The following CRYZ variants were observed in gnomAD, a reference collection of about 807,000 sequenced individuals.
CRYZ encodes the protein zeta-crystallin.
CRYZ carries 35 observed loss-of-function variants against 34.1 expected under a neutral mutation model. The observed-to-expected ratio is 1.03, with a 90% CI of 0.78 to 1.36. CRYZ has a LOEUF of 1.36. Among genes scored for constraint, CRYZ ranks in the 40% most tolerant of loss-of-function variants. The pLI, the probability that CRYZ is intolerant of heterozygous loss-of-function variation, is 0.00. For missense variants in CRYZ, 403 were observed against 391.8 expected (o/e 1.03, Z -0.24); for synonymous variants, 137 against 136.5 (o/e 1.00, Z -0.03).
chr1:74,720,743 AC>A, intron 3 of CRYZ, among the ~76,000 whole-genome samples: 1 of 152,316 alleles, frequency 6.6e-6, no homozygotes, highest in Non-Finnish European at 1.5e-5. Context: ...CAGCTAAAAA[AC>A]ATGTTGAATT....
intron 6 of CRYZ, chr1:74,707,610 T>C (rs1484099419): frequency 6.5e-6 from 1 of 153,966 alleles, no homozygotes; most frequent in Non-Finnish European, 1.4e-5. Context: ...AAAGAAGATA[T>C]CATTAGCTGT....
intron 1 of CRYZ, among the ~76,000 whole-genome samples, chr1:74,727,941 C>T (rs892078103): frequency 6.6e-6 from 1 of 152,106 alleles, no homozygotes; most frequent in Admixed American, 6.5e-5. Flanking sequence ...AAATTTAGTA[C>T]TCATCATTCT....
intron 5 of CRYZ, 66 bp from the exon 6 acceptor site, chr1:74,710,313 C>G: frequency 6.9e-7 from 1 of 1,455,190 alleles, no homozygotes; most frequent in Non-Finnish European, 9.3e-7. Context: ...TAAATACATA[C>G]AATGAACTTA....
intron 6 of CRYZ, among the ~76,000 whole-genome samples, 175 bp downstream of exon 6, chr1:74,709,923 T>C (rs1230019717): frequency 6.6e-6 from 1 of 151,408 alleles, no homozygotes; most frequent in Non-Finnish European, 1.5e-5. Context: ...AGTAAAAGTT[T>C]AAAACTTAGA....
intron 6 of CRYZ, among the ~76,000 whole-genome samples, chr1:74,709,687 A>G (rs1191854955): frequency 1.3e-5 from 2 of 152,206 alleles, no homozygotes; most frequent in Non-Finnish European, 2.9e-5. Flanking sequence ...TAACAAATGA[A>G]CTTTATTCCC....
At chr1:74,731,546 GATCTT>G (rs1402271498) in intron 1 of CRYZ, among the ~76,000 whole-genome samples, 15 of 152,176 alleles carry the variant, frequency 9.9e-5, no homozygotes, top group African/African-American at 3.6e-4. Flanking sequence ...CTGGCTGTGT[GATCTT>G]ATCAGGTCAC....
rs553074233 is a variant in CRYZ at position 74,719,431 on chromosome 1, G to GTATAATCCT, written c.265-68_265-60dup. 96 of 1,460,530 alleles carry GTATAATCCT rather than the reference G, an allele frequency of 6.6e-5. 1 individual carries two copies. The highest frequency in any genetic ancestry group is 8.6e-5 in the Non-Finnish European group (92 of 1,069,244). 90.5% of individuals were successfully genotyped at this position (1,460,530 alleles called of 1,614,324 possible). A position where few individuals can be genotyped will look rare whatever the true frequency, so the allele number is the denominator to read the frequency against. On this transcript the variant is annotated intron_variant, in intron 3 of 8. Transcript: ENST00000340866. ...GACTAAACATATTATGTCAAAATAG[G>GTATAATCCT]TATAATCCTTTATAACAAGAAATAA...
intron 6 of CRYZ, 100 bp downstream of exon 6, chr1:74,709,998 A>C: frequency 1.1e-6 from 1 of 949,698 alleles, no homozygotes; most frequent in South Asian, 1.9e-5. Context: ...AAAAGGAAGC[A>C]AACAGCTTTA....
chr1:74,727,848 A>AT (rs1269963727), intron 1 of CRYZ, among the ~76,000 whole-genome samples: 7 of 152,126 alleles, frequency 4.6e-5, no homozygotes, highest in Non-Finnish European at 1.0e-4. Context: ...AAATCTTAAC[A>AT]TTTAAAAAAC....
intron 5 of CRYZ, 63 bp downstream of exon 5, chr1:74,714,516 G>A (rs1647044808): frequency 1.4e-6 from 2 of 1,452,056 alleles, no homozygotes; most frequent in South Asian, 1.2e-5. Context: ...ATGACCAAAG[G>A]AACTATAATG....
intron 1 of CRYZ, among the ~76,000 whole-genome samples, chr1:74,727,557 G>A (rs539822240): frequency 4.1e-5 from 5 of 120,698 alleles, no homozygotes; most frequent in South Asian, 5.8e-4. Flanking sequence ...GCGTCAACCC[G>A]GCAGGTGGAG....
chr1:74,731,930 G>T (rs28695657), intron 1 of CRYZ, among the ~76,000 whole-genome samples: 59,843 of 152,080 alleles, frequency 0.39, 14,423 homozygotes, highest in Non-Finnish European at 0.55. Context: ...GGTGGTGGGC[G>T]TCACAGGGTC....
In CRYZ at chr1:74,706,435, G is replaced by C; in HGVS notation, c.851C>G (p.Ala284Gly). 6.3e-7 allele frequency: 1 copy of C among 1,599,084 alleles called. No homozygotes were observed. The highest frequency in any genetic ancestry group is 8.5e-7 in the Non-Finnish European group (1 of 1,175,934). ...STKEEFQQYA[A>G]ALQAGMEIGW... Reference sequence around the variant, plus strand: ...AATTTCCATTCCAGCTTGAAGGGCTGCTGCATATTGCTGAAATTCCTCCTA... The same window carrying C: ...AATTTCCATTCCAGCTTGAAGGGCTCCTGCATATTGCTGAAATTCCTCCTA... Residue 284 changes from alanine to glycine, a missense_variant, in exon 9 of 9, where the codon GCA (alanine) becomes GGA (glycine). Ala to Gly is a moderately conservative substitution (Grantham distance 60). Coordinates refer to ENST00000340866, the MANE Select transcript of CRYZ (RefSeq NM_001889.4).
intron 6 of CRYZ, chr1:74,708,268 T>A (rs953481894): frequency 1.3e-5 from 2 of 152,226 alleles, no homozygotes; most frequent in Admixed American, 1.3e-4. Flanking sequence ...GTGAATGCCA[T>A]ATTAAAGGAT....
chr1:74,718,995 T>A (rs1204795064), intron 4 of CRYZ, among the ~76,000 whole-genome samples: 6 of 152,174 alleles, frequency 3.9e-5, no homozygotes, highest in African/African-American at 1.4e-4. Context: ...CTTACTAGAC[T>A]GTGAGCATCT....
chr1:74,730,949 C>G (rs970766927), intron 1 of CRYZ, among the ~76,000 whole-genome samples: 1 of 152,086 alleles, frequency 6.6e-6, no homozygotes, highest in African/African-American at 2.4e-5. Context: ...AGCAGAAATA[C>G]AAAGGACATG....
At chr1:74,722,445 G>A (rs1647178444) in intron 3 of CRYZ, among the ~76,000 whole-genome samples, 1 of 152,142 alleles carries the variant, frequency 6.6e-6, no homozygotes, top group African/African-American at 2.4e-5. Context: ...GTGGAAAGCT[G>A]TATGAATTTG....
chr1:74,723,661 T>C (rs929636844), intron 2 of CRYZ, among the ~76,000 whole-genome samples: 1 of 152,148 alleles, frequency 6.6e-6, no homozygotes, highest in African/African-American at 2.4e-5. Context: ...AAAGTGACAG[T>C]AGACACTTGC....
intron 4 of CRYZ, 22 bp from the exon 5 acceptor site, chr1:74,714,652 A>AC: frequency 6.2e-7 from 1 of 1,612,628 alleles, no homozygotes; most frequent in Non-Finnish European, 8.5e-7. Flanking sequence ...AGCATAAGTT[A>AC]CATCACCTTA....
Sources: gnomAD v4.1 joint callset for allele counts (sites outside exome capture counted in the v4.1 genomes callset) on GRCh38, gnomAD v4.1.1 for gene constraint, MANE v1.5 for transcripts, NCBI Gene and HGNC (gene_info 2026-07-23, HGNC 2026-07-21) for gene names.